CNTLN: variants seen among roughly 807,000 people sequenced by gnomAD.
CNTLN encodes centlein, also known as centlein, centrosomal protein.
CNTLN carries 212 observed loss-of-function variants against 180.0 expected under a neutral mutation model. That is an observed-to-expected ratio of 1.18 (90% confidence interval 1.05 to 1.32). The LOEUF is 1.32. Among genes scored for constraint, CNTLN ranks in the 40% most tolerant of loss-of-function variants. CNTLN has a pLI of 0.00. For synonymous variants in CNTLN, 722 were observed against 563.1 expected, an observed-to-expected ratio of 1.28 and a Z score of -3.99; for missense variants, 2,095 against 1,610.9, an observed-to-expected ratio of 1.30 and a Z score of -5.14.
At chr9:17,410,317 C>T (rs1345622954) in intron 16 of CNTLN, among the ~76,000 whole-genome samples, 2 of 152,130 alleles carry the variant, frequency 1.3e-5, no homozygotes, top group African/African-American at 2.4e-5. Flanking sequence ...AGTACTTTCT[C>T]ATGGTTATTG....
At chr9:17,339,799 T>G (rs1221495352) in intron 10 of CNTLN, among the ~76,000 whole-genome samples, 1 of 152,208 alleles carries the variant, frequency 6.6e-6, no homozygotes, top group East Asian at 1.9e-4. Flanking sequence ...AATTTCGTCT[T>G]TATAAATTCA....
intron 2 of CNTLN, among the ~76,000 whole-genome samples, chr9:17,176,806 G>C (rs1274423299): frequency 6.6e-6 from 1 of 152,162 alleles, no homozygotes; most frequent in African/African-American, 2.4e-5. Context: ...GGTGAAGTGT[G>C]GTAGTTTGTG....
intron 25 of CNTLN, among the ~76,000 whole-genome samples, chr9:17,495,159 T>C (rs928288575): frequency 6.6e-6 from 1 of 151,978 alleles, no homozygotes; most frequent in Non-Finnish European, 1.5e-5. Context: ...GGATTACAGA[T>C]GTGAGCCGCT....
chr9:17,217,712 A>C (rs1362869521), intron 2 of CNTLN, among the ~76,000 whole-genome samples: 1 of 152,232 alleles, frequency 6.6e-6, no homozygotes, highest in African/African-American at 2.4e-5. Flanking sequence ...AAGGCATATA[A>C]TACACAATCT....
intron 2 of CNTLN, among the ~76,000 whole-genome samples, chr9:17,188,303 G>C (rs781421680): frequency 1.3e-5 from 2 of 151,976 alleles, no homozygotes; most frequent in Non-Finnish European, 2.9e-5. Flanking sequence ...AAATTCTGAA[G>C]ATTAGCCCAG....
chr9:17,135,686 T>C (rs949602981), intron 1 of CNTLN, among the ~76,000 whole-genome samples: 1 of 152,102 alleles, frequency 6.6e-6, no homozygotes, highest in Non-Finnish European at 1.5e-5. Context: ...GTCACTTGGA[T>C]ACTCGCAGTC....
At chr9:17,355,408 A>G (rs1587751053) in intron 12 of CNTLN, among the ~76,000 whole-genome samples, 1 of 152,160 alleles carries the variant, frequency 6.6e-6, no homozygotes, top group East Asian at 1.9e-4. Context: ...TTTTGATAGT[A>G]TCCTTTGATG....
intron 4 of CNTLN, 51 bp from the exon 5 acceptor site, chr9:17,236,358 T>C (rs781449686): frequency 4.7e-6 from 7 of 1,477,912 alleles, no homozygotes; most frequent in Non-Finnish European, 9.0e-7. Context: ...TTTTTTGGGT[T>C]TTTTGTTTCG....
chr9:17,377,084 A>G (rs1439287212), intron 13 of CNTLN, among the ~76,000 whole-genome samples: 1 of 152,156 alleles, frequency 6.6e-6, no homozygotes, highest in Non-Finnish European at 1.5e-5. Context: ...ATTTCTTTTT[A>G]AAAATTTTAC....
intron 14 of CNTLN, among the ~76,000 whole-genome samples, chr9:17,392,576 C>A (rs1229645284): frequency 6.6e-6 from 1 of 152,052 alleles, no homozygotes; most frequent in Non-Finnish European, 1.5e-5. Flanking sequence ...ATGCAGAAGT[C>A]TACAATAGTT....
chr9:17,433,411 A>C (rs992955730), intron 18 of CNTLN, among the ~76,000 whole-genome samples: 1 of 151,398 alleles, frequency 6.6e-6, no homozygotes, highest in Non-Finnish European at 1.5e-5. Flanking sequence ...CGGCCTCCTG[A>C]GTAGCTGGGA....
intron 25 of CNTLN, among the ~76,000 whole-genome samples, chr9:17,490,830 C>T (rs1279702266): frequency 6.6e-6 from 1 of 152,008 alleles, no homozygotes. Flanking sequence ...TTGCTTATTT[C>T]ACGTGTGTTG....
chr9:17,295,393 A>T (rs1457513824), intron 6 of CNTLN, among the ~76,000 whole-genome samples: 3 of 152,216 alleles, frequency 2.0e-5, no homozygotes, highest in African/African-American at 7.2e-5. Flanking sequence ...GGCACCTCTC[A>T]GTAGGTCGAT....
chr9:17,278,595 T>G (rs1828465934), intron 6 of CNTLN, among the ~76,000 whole-genome samples: 1 of 152,188 alleles, frequency 6.6e-6, no homozygotes, highest in Admixed American at 6.5e-5. Context: ...AATTTTCAAA[T>G]GATTTTTCTT....
intron 7 of CNTLN, among the ~76,000 whole-genome samples, chr9:17,308,117 T>A (rs978611925): frequency 1.3e-5 from 2 of 152,012 alleles, no homozygotes; most frequent in Non-Finnish European, 2.9e-5. Context: ...TCTCATTAAA[T>A]CACAATTATA....
chr9:17,505,425 A>T (rs1423585364), downstream of CNTLN, among the ~76,000 whole-genome samples: 1 of 152,158 alleles, frequency 6.6e-6, no homozygotes, highest in African/African-American at 2.4e-5. Context: ...AGAATTAATG[A>T]GTCCAGCAAG....
the CNTLN span, among the ~76,000 whole-genome samples, chr9:17,527,475 C>T: frequency 6.6e-6 from 1 of 152,172 alleles, no homozygotes; most frequent in East Asian, 1.9e-4. Context: ...TACACACTGA[C>T]AATTCTGATT....
In CNTLN at chr9:17,141,684, G is replaced by C. The variant is rs1444994234; in HGVS notation, c.361-1604G>C. On this transcript the variant is annotated intron_variant, in intron 1 of 25. Coordinates refer to ENST00000380647, the MANE Select transcript of CNTLN (RefSeq NM_017738.4). ...CAAGAGACGGAATTGACTTGGACTA[G>C]GGCGATAGTGGTAGAAGTGGTGAGA... Among the ~76,000 whole-genome samples the C allele has an allele frequency of 2.0e-5, 3 of 152,164 alleles. No individual in the cohort carries two copies. The East Asian group carries it at 5.8e-4, about 29-fold the overall frequency.
In CNTLN at chr9:17,486,569, T is replaced by A. The variant is rs143326940; in HGVS notation, c.4042-420T>A. Among the ~76,000 whole-genome samples, 609 of 152,220 alleles carry A rather than the reference T, an allele frequency of 4.0e-3. 4 individuals are homozygous for A. The highest frequency in any genetic ancestry group is 7.1e-3 in the Non-Finnish European group (482 of 67,996). On this transcript the variant is annotated intron_variant, in intron 24 of 25. Coordinates refer to ENST00000380647, the MANE Select transcript of CNTLN (RefSeq NM_017738.4). ...CGGAGTCATGCCATGTTCTATTCTGTTTGTAATGAACAATTACTCCTTAGT... is the reference window on the plus strand; with the variant it reads ...CGGAGTCATGCCATGTTCTATTCTGATTGTAATGAACAATTACTCCTTAGT...
Sources: gnomAD v4.1 joint callset for allele counts (sites outside exome capture counted in the v4.1 genomes callset) on GRCh38, gnomAD v4.1.1 for gene constraint, MANE v1.5 for transcripts, NCBI Gene and HGNC (gene_info 2026-07-23, HGNC 2026-07-21) for gene names.